GPC3: variants seen among roughly 807,000 people sequenced by gnomAD.
GPC3 encodes the protein glypican 3.
GPC3 carries 3 observed loss-of-function variants against 34.4 expected under a neutral mutation model. That is an observed-to-expected ratio of 0.09 (90% CI 0.04 to 0.23). The LOEUF (loss-of-function observed/expected upper bound fraction) is 0.23. Ranked by LOEUF, GPC3 falls within the 10% of genes least tolerant of loss-of-function variation. The probability of loss-of-function intolerance (pLI) is 1.00; values close to 1 mark genes in which losing one functional copy is unlikely to be tolerated. For missense variants in GPC3, 351 were observed against 445.6 expected (o/e 0.79, Z 1.91); for synonymous variants, 177 against 174.0 (o/e 1.02, Z -0.13).
rs959619260 is a variant in GPC3, at chrX:133,749,645, G to C, written c.1032+3837C>G. On this transcript the variant is annotated intron_variant, in intron 3 of 7. Transcript: ENST00000370818. ...AAAGTCTCTGTGTGGCAGACCTCAT[G>C]TCATGGCTTAAAGCCAGCTCGAAAG... Among the ~76,000 whole-genome samples the C allele has an allele frequency of 5.4e-5, 6 of 111,778 alleles. 1 individual carries two copies. Among genetic ancestry groups the C allele is most frequent in the African/African-American group, 1.6e-4 (5 of 30,743 alleles).
At chrX:133,928,564 G>T (rs1385857795) in intron 2 of GPC3, among the ~76,000 whole-genome samples, 1 of 111,326 alleles carries the variant, frequency 9.0e-6, no homozygotes, top group Non-Finnish European at 1.9e-5. Flanking sequence ...AGTGTGCAAG[G>T]GTTCCCTTTT....
intron 2 of GPC3, among the ~76,000 whole-genome samples, chrX:133,800,798 A>G (rs868867629): frequency 1.1e-4 from 12 of 111,940 alleles, no homozygotes; most frequent in Middle Eastern, 4.2e-3. Flanking sequence ...GAGTTCAACT[A>G]GATTGAAATG....
chrX:133,787,413 T>G (rs767445857), intron 2 of GPC3, among the ~76,000 whole-genome samples: 3 of 112,694 alleles, frequency 2.7e-5, no homozygotes, highest in Non-Finnish European at 5.6e-5. Context: ...CTTTCAGGAT[T>G]TTTTTCCCCA....
chrX:133,923,892 T>C (rs1413620960), intron 2 of GPC3, among the ~76,000 whole-genome samples: 1 of 112,059 alleles, frequency 8.9e-6, no homozygotes, highest in East Asian at 2.8e-4. Context: ...TCAGTACTGA[T>C]TGACACTGAC....
chrX:133,881,632 C>G (rs973894802), intron 2 of GPC3, among the ~76,000 whole-genome samples: 1 of 112,322 alleles, frequency 8.9e-6, no homozygotes, highest in South Asian at 3.7e-4. Flanking sequence ...TTGGTGAAAA[C>G]ATGCTTTTTA....
At chrX:133,708,126 C>A (rs1431580687) in intron 3 of GPC3, among the ~76,000 whole-genome samples, 10 of 111,797 alleles carry the variant, frequency 8.9e-5, no homozygotes, top group Admixed American at 1.9e-4. Flanking sequence ...TTTACCAGTA[C>A]TTTTTTCTTT....
At chrX:133,707,301 C>T (rs1333237789) in intron 3 of GPC3, among the ~76,000 whole-genome samples, 1 of 111,679 alleles carries the variant, frequency 9.0e-6, no homozygotes. Context: ...CCCCAAACCT[C>T]AGCATCACAC....
chrX:133,668,642 A>G lies in GPC3; in HGVS notation c.1293-6792T>C, dbSNP rs143359903. ...CTTTCTCTGTGCCAGATACTGTTCG[A>G]AGCACTGAAGAAAAAGAAAACATGA... On this transcript the variant is annotated intron_variant, in intron 5 of 7. Transcript: ENST00000370818. 1.6e-3 allele frequency among the ~76,000 whole-genome samples: 176 copies of G among 110,567 alleles called. 2 individuals are homozygous for G. The highest frequency in any genetic ancestry group is 0.014 in the Middle Eastern group (3 of 217).
At chrX:133,669,053 C>T (rs2070799743) in intron 5 of GPC3, among the ~76,000 whole-genome samples, 1 of 111,182 alleles carries the variant, frequency 9.0e-6, no homozygotes, top group Non-Finnish European at 1.9e-5. Context: ...TGGAGAGAGC[C>T]CTGTGTATAG....
intron 1 of GPC3, among the ~76,000 whole-genome samples, chrX:133,975,202 C>T (rs1044340710): frequency 8.9e-6 from 1 of 111,879 alleles, no homozygotes; most frequent in Admixed American, 9.5e-5. Flanking sequence ...GCTCACTCTC[C>T]AGTCATCCTC....
At chrX:133,570,362 C>G (rs750712305) in intron 7 of GPC3, among the ~76,000 whole-genome samples, 1 of 109,889 alleles carries the variant, frequency 9.1e-6, no homozygotes, top group Non-Finnish European at 1.9e-5. Context: ...CCACCATGCC[C>G]GCCTAATTTT....
intron 3 of GPC3, among the ~76,000 whole-genome samples, chrX:133,730,799 A>AT (rs1362362747): frequency 4.5e-5 from 5 of 110,001 alleles, no homozygotes; most frequent in Admixed American, 9.7e-5. Context: ...TGTCATATAT[A>AT]AAAAAAAAGG....
At chrX:133,577,239 C>T (rs1389473749) in intron 7 of GPC3, among the ~76,000 whole-genome samples, 4 of 112,182 alleles carry the variant, frequency 3.6e-5, no homozygotes, top group Non-Finnish European at 5.6e-5. Flanking sequence ...AATGGCAACA[C>T]GTCTATTAGT....
intron 3 of GPC3, among the ~76,000 whole-genome samples, chrX:133,739,696 AAAAC>A (rs1219482520): frequency 9.1e-6 from 1 of 109,702 alleles, no homozygotes; most frequent in African/African-American, 3.3e-5. Context: ...AAAAAAAACA[AAAAC>A]AAAAACAAAA....
At chrX:133,798,093 A>G (rs1364446485) in intron 2 of GPC3, among the ~76,000 whole-genome samples, 1 of 112,087 alleles carries the variant, frequency 8.9e-6, no homozygotes, top group Non-Finnish European at 1.9e-5. Context: ...TCAATTTTAA[A>G]TTCAACTAGG....
chrX:133,862,381 T>TA (rs1395945406), intron 2 of GPC3, among the ~76,000 whole-genome samples: 1,199 of 102,228 alleles, frequency 0.012, 23 homozygotes, highest in African/African-American at 0.04. Flanking sequence ...TTGCTTCCTT[T>TA]AAAAAAAAAA....
intron 2 of GPC3, among the ~76,000 whole-genome samples, chrX:133,927,383 G>C (rs1245139438): frequency 1.8e-5 from 2 of 110,877 alleles, no homozygotes; most frequent in African/African-American, 6.6e-5. Flanking sequence ...AAATACATGG[G>C]GAAAAGTTCA....
chrX:133,723,124 T>A (rs1455375045), intron 3 of GPC3, among the ~76,000 whole-genome samples: 1 of 111,782 alleles, frequency 8.9e-6, no homozygotes, highest in African/African-American at 3.3e-5. Context: ...GCTTGTGATT[T>A]CCCCCCTAGT....
chrX:133,804,280 C>T (rs1019523393), intron 2 of GPC3, among the ~76,000 whole-genome samples: 1 of 111,328 alleles, frequency 9.0e-6, no homozygotes, highest in African/African-American at 3.3e-5. Context: ...GGCTGCAAAT[C>T]GGAATGGCCT....
Sources: allele counts gnomAD v4.1 joint callset (sites outside exome capture counted in the v4.1 genomes callset), GRCh38; gene constraint gnomAD v4.1.1; transcripts MANE v1.5; gene names NCBI Gene and HGNC (gene_info 2026-07-23, HGNC 2026-07-21).